Variants in HS3ST3B1 observed in about 807,000 individuals in gnomAD.
The protein encoded by HS3ST3B1 is heparan sulfate glucosamine 3-O-sulfotransferase 3B1.
HS3ST3B1 carries 13 observed loss-of-function variants against 21.3 expected under a neutral mutation model. The ratio of observed to expected loss-of-function variants is 0.61; its 90% CI spans 0.40 to 0.97. HS3ST3B1 has a LOEUF of 0.97. Ranked by LOEUF, HS3ST3B1 falls within the 50% of genes least tolerant of loss-of-function variation. The pLI is 0.00. For missense variants in HS3ST3B1, 459 were observed against 554.8 expected (o/e 0.83, Z 1.73); for synonymous variants, 234 against 254.8 (o/e 0.92, Z 0.78).
Position 14,301,993 on chromosome 17 carries a change from G to A in HS3ST3B1, c.475G>A (p.Val159Met). The A allele has an allele frequency of 6.2e-7, 1 of 1,609,532 alleles. No individual in the cohort carries two copies. Among genetic ancestry groups the A allele is most frequent in the Non-Finnish European group, 8.5e-7 (1 of 1,179,050 alleles). Residue 159 changes from valine (V) to methionine (M), a missense_variant, in exon 1 of 2, where the codon GTG becomes ATG. By Grantham distance (21) the Val-to-Met change is conservative. This residue lies in a region of HS3ST3B1 where 317 missense variants were observed against 278.6 expected (regional missense o/e 1.14). Coordinates refer to ENST00000360954, the MANE Select transcript of HS3ST3B1 (RefSeq NM_006041.3). ...GCGGGCGCTGCTGGAGTTTCTGCGCGTGCACCCCGACGTGCGCGCCGTGGG... is the reference window on the plus strand; with the variant it reads ...GCGGGCGCTGCTGGAGTTTCTGCGCATGCACCCCGACGTGCGCGCCGTGGG... ...GTRALLEFLR[V>M]HPDVRAVGAE...
At position 14,321,509 on chromosome 17, in the gene HS3ST3B1, AG is replaced by A. The variant is rs1180453078; in HGVS notation, c.554+19441del. On this transcript the variant is annotated intron_variant, in intron 1 of 1. Transcript: ENST00000360954. ...TATTTAAAGGGAAGAAGGAGGGCAG[AG>A]GGGATAGCCCTGGGTCGGTTCGTGA... Among the ~76,000 whole-genome samples the A allele has an allele frequency of 2.6e-5, 4 of 152,314 alleles. No individual in the cohort carries two copies. In the South Asian group the frequency reaches 6.2e-4, roughly 24 times the overall value.
intron 1 of HS3ST3B1, among the ~76,000 whole-genome samples, chr17:14,312,106 A>G (rs1909322549): frequency 6.6e-6 from 1 of 152,282 alleles, no homozygotes; most frequent in Admixed American, 6.5e-5. Flanking sequence ...GTGATTAAAA[A>G]AAAAAATGTC....
intron 1 of HS3ST3B1, among the ~76,000 whole-genome samples, chr17:14,340,862 C>T (rs1375290882): frequency 2.0e-5 from 3 of 152,198 alleles, no homozygotes; most frequent in Non-Finnish European, 4.4e-5. Flanking sequence ...GGATTCCAGG[C>T]GTGAGCCACC....
intron 1 of HS3ST3B1, among the ~76,000 whole-genome samples, chr17:14,311,088 G>A (rs1485001110): frequency 7.0e-6 from 1 of 142,970 alleles, no homozygotes; most frequent in Non-Finnish European, 1.6e-5. Flanking sequence ...CATCTAACAA[G>A]GATTTTTTTT....
At chr17:14,310,864 A>G (rs1383891600) in intron 1 of HS3ST3B1, among the ~76,000 whole-genome samples, 1 of 152,184 alleles carries the variant, frequency 6.6e-6, no homozygotes, top group Non-Finnish European at 1.5e-5. Context: ...ACAAAGCAGT[A>G]AACATCCTGT....
intron 1 of HS3ST3B1, among the ~76,000 whole-genome samples, chr17:14,302,409 T>C (rs1908965892): frequency 6.6e-6 from 1 of 152,124 alleles, no homozygotes. Context: ...TCGAATCGTA[T>C]TTTATGACTC....
intron 1 of HS3ST3B1, among the ~76,000 whole-genome samples, chr17:14,336,576 C>G (rs1007587116): frequency 1.3e-5 from 2 of 152,184 alleles, no homozygotes; most frequent in African/African-American, 2.4e-5. Context: ...CTGGGACCGC[C>G]ATTCCCCAGT....
At chr17:14,336,260 C>A (rs1267228939) in intron 1 of HS3ST3B1, among the ~76,000 whole-genome samples, 1 of 152,088 alleles carries the variant, frequency 6.6e-6, no homozygotes, top group Non-Finnish European at 1.5e-5. Flanking sequence ...TAGGTTACGC[C>A]CATTTCAATA....
intron 1 of HS3ST3B1, among the ~76,000 whole-genome samples, chr17:14,313,629 G>A (rs1424668894): frequency 6.6e-6 from 1 of 152,086 alleles, no homozygotes. Flanking sequence ...GGAATGCAGT[G>A]GTGTGATCTC....
In HS3ST3B1 at chr17:14,338,337, G is replaced by T. The variant is rs901143200; in HGVS notation, c.555-6691G>T. Among the ~76,000 whole-genome samples the T allele has an allele frequency of 7.3e-5, 11 of 151,688 alleles. No individual in the cohort carries two copies. The East Asian group carries it at 2.1e-3, about 29-fold the overall frequency. ...GATGGGGTTTCATCATGTTAGCCAG[G>T]ACGGTCTCGATCTCCTGACCTTGTG... On this transcript the variant is annotated intron_variant, in intron 1 of 1. Coordinates refer to ENST00000360954, the MANE Select transcript of HS3ST3B1 (RefSeq NM_006041.3).
intron 1 of HS3ST3B1, among the ~76,000 whole-genome samples, chr17:14,331,994 A>T (rs1188505090): frequency 6.6e-6 from 1 of 152,098 alleles, no homozygotes; most frequent in East Asian, 1.9e-4. Context: ...AACTTCCCGG[A>T]GTTACAACTT....
At chr17:14,342,449 C>T (rs1483872604) in intron 1 of HS3ST3B1, among the ~76,000 whole-genome samples, 1 of 152,094 alleles carries the variant, frequency 6.6e-6, no homozygotes, top group Non-Finnish European at 1.5e-5. Flanking sequence ...AGTTAACACA[C>T]CTCCTTTTGG....
chr17:14,336,390 G>A (rs773541431), intron 1 of HS3ST3B1, among the ~76,000 whole-genome samples: 7 of 152,256 alleles, frequency 4.6e-5, no homozygotes, highest in Non-Finnish European at 8.8e-5. Context: ...GGCAACATTT[G>A]GTACTGGGTA....
At chr17:14,342,949 A>G (rs1910432216) in intron 1 of HS3ST3B1, among the ~76,000 whole-genome samples, 1 of 152,228 alleles carries the variant, frequency 6.6e-6, no homozygotes, top group South Asian at 2.1e-4. Flanking sequence ...CATTCTAGAA[A>G]GATTTAATCA....
At chr17:14,309,639 C>A (rs1026766491) in intron 1 of HS3ST3B1, among the ~76,000 whole-genome samples, 1 of 152,338 alleles carries the variant, frequency 6.6e-6, no homozygotes, top group East Asian at 1.9e-4. Flanking sequence ...GAGCTGCCTT[C>A]GCTTTCCAAG....
At chr17:14,337,982 C>T (rs1479168606) in intron 1 of HS3ST3B1, among the ~76,000 whole-genome samples, 1 of 151,682 alleles carries the variant, frequency 6.6e-6, no homozygotes, top group Non-Finnish European at 1.5e-5. Flanking sequence ...ACATTAGAAT[C>T]ATCTAAAAGA....
At position 14,301,652 on chromosome 17, in the gene HS3ST3B1, A is replaced by G. The variant is rs764914011; in HGVS notation, c.134A>G (p.Tyr45Cys). Residue 45 changes from tyrosine (Y) to cysteine (C), a missense_variant, in exon 1 of 2, where the codon TAT (tyrosine) becomes TGT (cysteine). Physicochemically the swap from Tyr to Cys is radical, Grantham distance 194 (BLOSUM62 -2). Coordinates refer to ENST00000360954, the MANE Select transcript of HS3ST3B1 (RefSeq NM_006041.3). ...TTCGCCATGCTCTGCGTCTGGCTCT[A>G]TATGTTCCTGTACTCGTGCGCCGGC... Reference protein sequence around the residue: ...LLFAMLCVWLYMFLYSCAGSC... With the variant: ...LLFAMLCVWLCMFLYSCAGSC... 11 of 1,607,658 alleles carry G rather than the reference A, an allele frequency of 6.8e-6. No individual in the cohort carries two copies. The highest frequency in any genetic ancestry group is 5.0e-5 in the Admixed American group (3 of 59,846).
chr17:14,322,259 C>A (rs1339499250), intron 1 of HS3ST3B1, among the ~76,000 whole-genome samples: 2 of 151,944 alleles, frequency 1.3e-5, no homozygotes, highest in Non-Finnish European at 1.5e-5. Context: ...GATTTTGAGT[C>A]CCTGCTTTGT....
At chr17:14,312,274 G>T (rs1365346450) in intron 1 of HS3ST3B1, among the ~76,000 whole-genome samples, 4 of 152,180 alleles carry the variant, frequency 2.6e-5, no homozygotes, top group Admixed American at 2.6e-4. Flanking sequence ...GTATCTGTAG[G>T]TGGCTCTACC....
Sources: gnomAD v4.1 joint callset for allele counts (sites outside exome capture counted in the v4.1 genomes callset) on GRCh38, gnomAD v4.1.1 for gene constraint, gnomAD v4.1.1 regional missense constraint, MANE v1.5 for transcripts, NCBI Gene and HGNC (gene_info 2026-07-23, HGNC 2026-07-21) for gene names.